Variants in PHKB observed in about 807,000 individuals in gnomAD.
PHKB encodes phosphorylase kinase regulatory subunit beta.
Under a neutral mutation model 152.1 loss-of-function variants are expected in PHKB, and 122 were observed. The observed-to-expected ratio is 0.80, with a 90% confidence interval of 0.69 to 0.93. The LOEUF (loss-of-function observed/expected upper bound fraction) is 0.93, where lower values mean the gene tolerates loss of function less well. Ranked by LOEUF, PHKB falls within the 40% of genes least tolerant of loss-of-function variation. PHKB has a pLI of 0.00. For missense variants in PHKB, 1,304 were observed against 1,328.4 expected (o/e 0.98, Z 0.29); for synonymous variants, 436 against 464.9 (o/e 0.94, Z 0.80).
chr16:47,682,925 T>C (rs1973889749), intron 26 of PHKB, among the ~76,000 whole-genome samples: 1 of 152,220 alleles, frequency 6.6e-6, no homozygotes, highest in Non-Finnish European at 1.5e-5. Flanking sequence ...ATGATGGTGA[T>C]GTACAGAAGG....
rs1489479652 is a variant in PHKB at position 47,649,913 on chromosome 16, AT to A, written c.1798-629del. Among the ~76,000 whole-genome samples the A allele has an allele frequency of 2.0e-5, 3 of 152,266 alleles. No individual in the cohort carries two copies. The East Asian group carries it at 5.8e-4, about 29-fold the overall frequency. On this transcript the variant is annotated intron_variant, in intron 18 of 30. Transcript: ENST00000323584. ...TTTATGTAAGTCTTTCAGATGACTG[AT>A]TGATTGACAGATAGATAGATAGATA...
At chr16:47,565,317 T>G (rs1225884532) in intron 7 of PHKB, 14 of 776,138 alleles carry the variant, frequency 1.8e-5, no homozygotes, top group Non-Finnish European at 4.7e-6. Context: ...TTGGGGACAT[T>G]CATCCCATCT....
intron 14 of PHKB, among the ~76,000 whole-genome samples, chr16:47,616,346 A>G (rs1249729311): frequency 6.6e-6 from 1 of 151,390 alleles, no homozygotes; most frequent in Non-Finnish European, 1.5e-5. Flanking sequence ...AGTTAATTTT[A>G]TATACGGTGT....
chr16:47,625,029 C>CCTCTT (rs1020955997), intron 14 of PHKB, among the ~76,000 whole-genome samples: 1 of 152,176 alleles, frequency 6.6e-6, no homozygotes, highest in African/African-American at 2.4e-5. Context: ...GCCTGCCTCA[C>CCTCTT]CTCTTCTCTT....
chr16:47,545,327 G>T (rs887074205), intron 6 of PHKB, among the ~76,000 whole-genome samples: 2 of 152,118 alleles, frequency 1.3e-5, no homozygotes, highest in Admixed American at 6.6e-5. Context: ...GTCAGTAAAG[G>T]ATTTTATTTC....
intron 14 of PHKB, among the ~76,000 whole-genome samples, chr16:47,627,517 G>A (rs892966601): frequency 1.3e-5 from 2 of 152,158 alleles, no homozygotes; most frequent in Admixed American, 1.3e-4. Context: ...AAAAAGCATT[G>A]CCTGATTTAT....
chr16:47,556,691 T>G (rs1434315303), intron 7 of PHKB, among the ~76,000 whole-genome samples: 3 of 152,226 alleles, frequency 2.0e-5, no homozygotes, highest in South Asian at 2.1e-4. Flanking sequence ...TTGAGGATTT[T>G]TGCATCAATG....
At chr16:47,570,169 C>T (rs1425387716) in intron 7 of PHKB, among the ~76,000 whole-genome samples, 12 of 152,288 alleles carry the variant, frequency 7.9e-5, no homozygotes, top group Non-Finnish European at 1.6e-4. Flanking sequence ...GATAGTTTTT[C>T]CTTTATCATT....
intron 14 of PHKB, among the ~76,000 whole-genome samples, chr16:47,626,282 T>C (rs1411352528): frequency 2.0e-5 from 3 of 152,210 alleles, no homozygotes; most frequent in Admixed American, 6.5e-5. Flanking sequence ...TGCTAAAGGC[T>C]TGTTGGATTC....
chr16:47,656,569 T>C (rs1051820926), intron 20 of PHKB, among the ~76,000 whole-genome samples: 2 of 152,222 alleles, frequency 1.3e-5, no homozygotes, highest in Non-Finnish European at 2.9e-5. Context: ...GTTAATCATT[T>C]TTAAGTGTCC....
intron 6 of PHKB, among the ~76,000 whole-genome samples, chr16:47,527,190 C>G (rs757459701): frequency 2.2e-4 from 34 of 152,270 alleles, no homozygotes; most frequent in Non-Finnish European, 4.0e-4. Context: ...AGGGGACACA[C>G]ATCCAAACTA....
At chr16:47,598,069 A>T (rs1421777838) in intron 13 of PHKB, 1 of 152,096 alleles carries the variant, frequency 6.6e-6, no homozygotes, top group Non-Finnish European at 1.5e-5. Context: ...TCAAATAATG[A>T]CTAAAATAAA....
At chr16:47,650,065 C>T (rs1299966881) in intron 18 of PHKB, among the ~76,000 whole-genome samples, 1 of 152,092 alleles carries the variant, frequency 6.6e-6, no homozygotes, top group Non-Finnish European at 1.5e-5. Context: ...TTCTGGACGG[C>T]TGGCATGATT....
At chr16:47,674,516 A>G (rs1973693801) in intron 26 of PHKB, among the ~76,000 whole-genome samples, 1 of 152,216 alleles carries the variant, frequency 6.6e-6, no homozygotes, top group Non-Finnish European at 1.5e-5. Flanking sequence ...GCAAATACAG[A>G]GCCTCATTAT....
intron 8 of PHKB, among the ~76,000 whole-genome samples, chr16:47,581,659 A>G (rs1040248203): frequency 7.9e-5 from 12 of 152,152 alleles, no homozygotes; most frequent in Non-Finnish European, 1.8e-4. Context: ...AATAAATGCC[A>G]TCTCTTGTTG....
intron 1 of PHKB, among the ~76,000 whole-genome samples, chr16:47,492,285 A>G (rs1353360263): frequency 6.6e-6 from 1 of 152,212 alleles, no homozygotes; most frequent in Non-Finnish European, 1.5e-5. Context: ...ACAGATTAAG[A>G]CCAGCCTCAC....
intron 28 of PHKB, among the ~76,000 whole-genome samples, chr16:47,694,816 C>T (rs1974120511): frequency 6.6e-6 from 1 of 152,180 alleles, no homozygotes; most frequent in African/African-American, 2.4e-5. Flanking sequence ...CACTTGTTAG[C>T]TTCTTTCTCA....
intron 26 of PHKB, among the ~76,000 whole-genome samples, chr16:47,688,131 A>G (rs1973996747): frequency 6.6e-6 from 1 of 152,224 alleles, no homozygotes; most frequent in Non-Finnish European, 1.5e-5. Context: ...GTGAATAAAG[A>G]TGCATTCTTT....
intron 7 of PHKB, among the ~76,000 whole-genome samples, chr16:47,572,984 C>T (rs1245662273): frequency 6.6e-6 from 1 of 152,116 alleles, no homozygotes; most frequent in Non-Finnish European, 1.5e-5. Flanking sequence ...CTGCCTGGTC[C>T]TAAGCTGTAG....
Sources: gnomAD v4.1 joint callset for allele counts (sites outside exome capture counted in the v4.1 genomes callset) on GRCh38, gnomAD v4.1.1 for gene constraint, MANE v1.5 for transcripts, NCBI Gene and HGNC (gene_info 2026-07-23, HGNC 2026-07-21) for gene names.